ITSN1: variants seen among roughly 807,000 people sequenced by gnomAD.
ITSN1 encodes intersectin 1, also known as intersectin-1.
In ITSN1, 58 loss-of-function variants were observed where a neutral mutation model predicts 239.8. The observed-to-expected ratio is 0.24, with a 90% CI of 0.20 to 0.30. The LOEUF is 0.30. Among genes scored for constraint, ITSN1 ranks in the 10% least tolerant of loss-of-function variants. The pLI, the probability that ITSN1 is intolerant of heterozygous loss-of-function variation, is 1.00. For missense variants in ITSN1, 1,558 were observed against 2,103.3 expected (o/e 0.74, Z 5.07); for synonymous variants, 780 against 770.8 (o/e 1.01, Z -0.20).
intron 1 of ITSN1, among the ~76,000 whole-genome samples, chr21:33,683,460 G>A (rs1400489500): frequency 4.6e-5 from 7 of 152,132 alleles, no homozygotes; most frequent in African/African-American, 1.7e-4. Context: ...CATTGTACAA[G>A]TTCCCCATGC....
chr21:33,718,803 A>AT lies in ITSN1; in HGVS notation c.-24dup, dbSNP rs1569014705. 1 of 1,609,574 alleles carries AT rather than the reference A, an allele frequency of 6.2e-7. No homozygotes were observed. ...GTTGCATTTTCACTTACAGGCGTCG[A>AT]TTAGCAAGGTAAAAGTAACAGAACC... On this transcript the variant is annotated 5_prime_UTR_variant, in exon 2 of 40. The change abolishes the stop of an existing upstream ORF in the 5' untranslated region. Transcript: ENST00000381318.
At chr21:33,666,105 A>G (rs1401031308) in intron 1 of ITSN1, among the ~76,000 whole-genome samples, 1 of 152,032 alleles carries the variant, frequency 6.6e-6, no homozygotes, top group African/African-American at 2.4e-5. Flanking sequence ...ATTCTTTTGC[A>G]TTTTTAGTAG....
At chr21:33,661,946 T>C (rs2089593082) in intron 1 of ITSN1, among the ~76,000 whole-genome samples, 3 of 152,008 alleles carry the variant, frequency 2.0e-5, no homozygotes, top group Admixed American at 2.0e-4. Context: ...CTAATACACG[T>C]AAGAATTTTG....
intron 35 of ITSN1, 78 bp from the exon 36 acceptor site, chr21:33,883,470 AGT>A: frequency 6.4e-7 from 1 of 1,569,200 alleles, no homozygotes; most frequent in Non-Finnish European, 8.7e-7. Flanking sequence ...CATTGGCATA[AGT>A]GTGCTCACAC....
intron 15 of ITSN1, among the ~76,000 whole-genome samples, 185 bp from the exon 16 acceptor site, chr21:33,781,809 C>T (rs1214170046): frequency 6.6e-6 from 1 of 152,106 alleles, no homozygotes; most frequent in Non-Finnish European, 1.5e-5. Context: ...GAACTCCTGA[C>T]CCCAGGTGAT....
At chr21:33,807,087 T>C (rs1457599850) in intron 20 of ITSN1, among the ~76,000 whole-genome samples, 11 of 152,122 alleles carry the variant, frequency 7.2e-5, no homozygotes, top group Non-Finnish European at 1.6e-4. Flanking sequence ...CTTGTAAGAG[T>C]AAATTAAGCT....
chr21:33,758,480 A>G (rs2068074227), intron 8 of ITSN1, among the ~76,000 whole-genome samples: 1 of 152,152 alleles, frequency 6.6e-6, no homozygotes, highest in African/African-American at 2.4e-5. Context: ...CCTGTTGGAC[A>G]CCCTGTTCTT....
At chr21:33,707,318 G>T (rs1301485602) in intron 1 of ITSN1, among the ~76,000 whole-genome samples, 4 of 151,892 alleles carry the variant, frequency 2.6e-5, no homozygotes, top group African/African-American at 9.7e-5. Context: ...GTGTTGGGGG[G>T]TCTCACTATG....
Position 33,766,075 on chromosome 21 carries a change from T to C in ITSN1, c.926+63T>C, listed in dbSNP as rs115018555. ...AGTATATGAATTCCAAACTTGGCTT[T>C]ATTGACTATGTGTCTTACCTGATTT... On this transcript the variant is annotated intron_variant, in intron 10 of 39. Coordinates refer to ENST00000381318, the MANE Select transcript of ITSN1 (RefSeq NM_003024.3). 2,263 of 1,565,138 alleles carry C rather than the reference T, an allele frequency of 1.4e-3. 25 individuals are homozygous for C. The African/African-American group carries it at 0.027, about 19-fold the overall frequency.
chr21:33,889,232 G>T lies in ITSN1; in HGVS notation c.*932G>T, dbSNP rs2148578643. 1 of 152,152 alleles carries T rather than the reference G, an allele frequency of 6.6e-6. No individual in the cohort carries two copies. The highest frequency in any genetic ancestry group is 6.5e-5 in the Admixed American group (1 of 15,290). 9.4% of individuals were successfully genotyped at this position (152,152 alleles called of 1,614,324 possible). ...TCTGTGCTTGAATGTGCTGAATCCT[G>T]ATTGTTGTAGGACATTTCAACAGCT... On this transcript the variant is annotated 3_prime_UTR_variant, in exon 40 of 40. Coordinates refer to ENST00000381318, the MANE Select transcript of ITSN1 (RefSeq NM_003024.3).
chr21:33,834,225 A>G (rs1602520037), intron 27 of ITSN1, 82 bp from the exon 28 acceptor site: 5 of 949,446 alleles, frequency 5.3e-6, no homozygotes, highest in Non-Finnish European at 8.4e-6. Context: ...TGTAAGCTTT[A>G]CATAAGTGCT....
rs532910365 is a variant in ITSN1 at position 33,899,531 on chromosome 21, C to T, written c.*11231C>T. On this transcript the variant is annotated 3_prime_UTR_variant, in exon 40 of 40. Coordinates refer to ENST00000381318, the MANE Select transcript of ITSN1 (RefSeq NM_003024.3). Reference sequence around the variant, plus strand: ...GACACTATTATAAATTGTAGACTTACGTATTTGTCTAAAGGTTTGATGAAG... The same window carrying T: ...GACACTATTATAAATTGTAGACTTATGTATTTGTCTAAAGGTTTGATGAAG... 2 of 152,142 alleles carry T rather than the reference C, an allele frequency of 1.3e-5. No homozygotes were observed. Among genetic ancestry groups the T allele is most frequent in the South Asian group, 2.1e-4 (1 of 4,830 alleles). 9.4% of individuals were successfully genotyped at this position (152,142 alleles called of 1,614,324 possible). A position where few individuals can be genotyped will look rare whatever the true frequency, so the allele number is the denominator to read the frequency against.
At chr21:33,705,894 C>T (rs185173494) in intron 1 of ITSN1, among the ~76,000 whole-genome samples, 2 of 152,252 alleles carry the variant, frequency 1.3e-5, no homozygotes, top group African/African-American at 4.8e-5. Flanking sequence ...TGAGTTATGG[C>T]AGTAAAAGCA....
intron 9 of ITSN1, among the ~76,000 whole-genome samples, chr21:33,765,649 A>G (rs2068668628): frequency 6.6e-6 from 1 of 152,212 alleles, no homozygotes; most frequent in Non-Finnish European, 1.5e-5. Flanking sequence ...GTTGGGGAAG[A>G]GTATCATTAT....
intron 1 of ITSN1, among the ~76,000 whole-genome samples, chr21:33,713,951 C>T (rs1156657321): frequency 6.7e-6 from 1 of 149,852 alleles, no homozygotes; most frequent in Non-Finnish European, 1.5e-5. Flanking sequence ...TCTCCTGCCT[C>T]AGCCTCCTGA....
At chr21:33,653,526 T>C (rs1601441546) in intron 1 of ITSN1, among the ~76,000 whole-genome samples, 1 of 152,122 alleles carries the variant, frequency 6.6e-6, no homozygotes, top group South Asian at 2.1e-4. Flanking sequence ...TATTTCTTTC[T>C]TTTTTTTCTT....
chr21:33,667,956 A>C (rs2090027643), intron 1 of ITSN1, among the ~76,000 whole-genome samples: 1 of 152,126 alleles, frequency 6.6e-6, no homozygotes, highest in African/African-American at 2.4e-5. Flanking sequence ...GTTAGAAGAC[A>C]GATAGGGAGC....
intron 1 of ITSN1, among the ~76,000 whole-genome samples, chr21:33,694,284 T>C (rs2091692954): frequency 6.6e-6 from 1 of 152,248 alleles, no homozygotes; most frequent in Non-Finnish European, 1.5e-5. Context: ...AAACTTTGGC[T>C]ACCCAAAGTG....
At position 33,895,523 on chromosome 21, in the gene ITSN1, ATGTG is replaced by A. The variant is rs368271242; in HGVS notation, c.*7231_*7234del. Reference sequence around the variant, plus strand: ...TGTGCGTGCGCGTGTTTGTGTGTGCATGTGTGTGTGTCTACGTGTGTGTGCACGC... The same window carrying A: ...TGTGCGTGCGCGTGTTTGTGTGTGCATGTGTGTCTACGTGTGTGTGCACGC... On this transcript the variant is annotated 3_prime_UTR_variant, in exon 40 of 40. Coordinates refer to ENST00000381318, the MANE Select transcript of ITSN1 (RefSeq NM_003024.3). The A allele has an allele frequency of 4.9e-5, 4 of 81,126 alleles. No individual in the cohort carries two copies. The highest frequency in any genetic ancestry group is 1.1e-4 in the Admixed American group (1 of 9,064). The allele number at this position is 81,126 out of a possible 1,614,324, so 5.0% of individuals were successfully genotyped here.
Sources: allele counts gnomAD v4.1 joint callset (sites outside exome capture counted in the v4.1 genomes callset), GRCh38; gene constraint gnomAD v4.1.1; transcripts MANE v1.5; gene names NCBI Gene and HGNC (gene_info 2026-07-23, HGNC 2026-07-21).